The following LAPTM4B variants were observed in gnomAD, a reference collection of about 807,000 sequenced individuals.
LAPTM4B encodes lysosomal-associated transmembrane protein 4B.
LAPTM4B carries 26 observed loss-of-function variants against 28.5 expected under a neutral mutation model. The observed-to-expected ratio is 0.91, with a 90% CI of 0.67 to 1.27. The LOEUF (loss-of-function observed/expected upper bound fraction) is 1.27, where lower values mean the gene tolerates loss of function less well. LAPTM4B is among the 50% of genes most tolerant of loss of function. The pLI, the probability that LAPTM4B is intolerant of heterozygous loss-of-function variation, is 0.00. For synonymous variants in LAPTM4B, 109 were observed against 106.4 expected, an observed-to-expected ratio of 1.02 and a Z score of -0.15; for missense variants, 288 against 285.8, an observed-to-expected ratio of 1.01 and a Z score of -0.06.
intron 2 of LAPTM4B, among the ~76,000 whole-genome samples, chr8:97,813,402 T>G (rs574295744): frequency 6.6e-6 from 1 of 152,376 alleles, no homozygotes; most frequent in South Asian, 2.1e-4. Flanking sequence ...ACCTGCTTTA[T>G]TCTAGCCAGG....
At position 97,815,332 on chromosome 8, in the gene LAPTM4B, G is replaced by C. The variant is rs1024872877; in HGVS notation, c.216G>C (p.Met72Ile). The C allele has an allele frequency of 2.5e-6, 4 of 1,613,460 alleles. No individual in the cohort carries two copies. The African/African-American group carries it at 5.3e-5, about 22-fold the overall frequency. The change falls in exon 3 of 7, where the codon ATG becomes ATC. Residue 72 changes from methionine to isoleucine, a missense_variant. Physicochemically the swap from Met to Ile is conservative, Grantham distance 10. Coordinates refer to ENST00000521545, the MANE Select transcript of LAPTM4B (RefSeq NM_018407.6). The stretch of plus-strand genomic sequence containing the variant: ...TTCTTTTTAATCTTTCGGCAGACAT[G>C]TGCATTGCCATTGCGATTTCTCTTC... ...GDFEFMDDAN[M>I]CIAIAISLLM...
chr8:97,838,479 C>A (rs1236181278), intron 6 of LAPTM4B, among the ~76,000 whole-genome samples: 1 of 152,234 alleles, frequency 6.6e-6, no homozygotes, highest in Admixed American at 6.5e-5. Flanking sequence ...ACACAAGAGT[C>A]CTTCACGTAC....
At chr8:97,827,862 G>A (rs956610243) in intron 6 of LAPTM4B, among the ~76,000 whole-genome samples, 1 of 152,104 alleles carries the variant, frequency 6.6e-6, no homozygotes, top group African/African-American at 2.4e-5. Flanking sequence ...TGCGGGCAGG[G>A]GAAGGGGTCA....
At chr8:97,780,995 A>G (rs1349077253) in intron 1 of LAPTM4B, among the ~76,000 whole-genome samples, 6 of 145,966 alleles carry the variant, frequency 4.1e-5, no homozygotes, top group Non-Finnish European at 7.6e-5. Context: ...ATGTACTACA[A>G]TTTTTTTTTT....
chr8:97,830,203 G>A (rs925609156), intron 6 of LAPTM4B, among the ~76,000 whole-genome samples: 2 of 152,070 alleles, frequency 1.3e-5, no homozygotes, highest in Non-Finnish European at 2.9e-5. Context: ...GGAGAGAGTG[G>A]GTGGGTGAGG....
rs1188576503 is a variant in LAPTM4B, at chr8:97,777,144, T to TG, written c.99+1036_99+1037insG. On this transcript the variant is annotated intron_variant, in intron 1 of 6. Coordinates refer to ENST00000521545, the MANE Select transcript of LAPTM4B (RefSeq NM_018407.6). Reference sequence around the variant, plus strand: ...ATAACTTTTTTCAGTGAGGTTTTTTTTTTTTTTTTTTTTTTTTTTTGAGAC... The same window carrying TG: ...ATAACTTTTTTCAGTGAGGTTTTTTTGTTTTTTTTTTTTTTTTTTTTGAGAC... Among the ~76,000 whole-genome samples, 97 of 130,004 alleles carry TG rather than the reference T, an allele frequency of 7.5e-4. 1 individual carries two copies. Among genetic ancestry groups the TG allele is most frequent in the Middle Eastern group, 3.6e-3 (1 of 280 alleles). The allele number at this position is 130,004 out of a possible 152,430, so 85.3% of individuals were successfully genotyped here. A position where few individuals can be genotyped will look rare whatever the true frequency, so the allele number is the denominator to read the frequency against.
intron 1 of LAPTM4B, among the ~76,000 whole-genome samples, chr8:97,782,279 C>CTTTTTTTTTTT (rs34322160): frequency 2.0e-5 from 1 of 50,254 alleles, no homozygotes. Flanking sequence ...CCATGCCCAG[C>CTTTTTTTTTTT]TTTTTTTTTT....
intron 1 of LAPTM4B, among the ~76,000 whole-genome samples, chr8:97,799,843 C>G (rs1347353680): frequency 6.6e-6 from 1 of 152,136 alleles, no homozygotes; most frequent in Non-Finnish European, 1.5e-5. Flanking sequence ...ACCCCCTGAC[C>G]CTGGCGTTCC....
At chr8:97,826,294 C>G (rs895044969) in intron 6 of LAPTM4B, among the ~76,000 whole-genome samples, 6 of 152,196 alleles carry the variant, frequency 3.9e-5, no homozygotes, top group African/African-American at 1.2e-4. Flanking sequence ...ACCAGATGCA[C>G]AAAACCTGGC....
intron 2 of LAPTM4B, among the ~76,000 whole-genome samples, chr8:97,810,343 G>T (rs559540529): frequency 6.6e-6 from 1 of 152,176 alleles, no homozygotes; most frequent in African/African-American, 2.4e-5. Flanking sequence ...AAAAGAAAAA[G>T]GACATTGAAG....
At chr8:97,782,366 T>C (rs1345127448) in intron 1 of LAPTM4B, among the ~76,000 whole-genome samples, 2 of 116,840 alleles carry the variant, frequency 1.7e-5, no homozygotes, top group African/African-American at 7.4e-5. Flanking sequence ...TTGTCTTCCC[T>C]GGCTCAAGCA....
chr8:97,814,409 G>A (rs1586332596), intron 2 of LAPTM4B, among the ~76,000 whole-genome samples: 2 of 152,028 alleles, frequency 1.3e-5, no homozygotes, highest in African/African-American at 4.8e-5. Context: ...AGGGGGTGAG[G>A]TGGGAGACTT....
At chr8:97,786,314 A>G (rs1816398966) in intron 1 of LAPTM4B, among the ~76,000 whole-genome samples, 1 of 152,106 alleles carries the variant, frequency 6.6e-6, no homozygotes, top group Non-Finnish European at 1.5e-5. Flanking sequence ...GCAGCTTCCA[A>G]GGGAAATTGT....
At chr8:97,788,565 AAC>A (rs1443501346) in intron 1 of LAPTM4B, among the ~76,000 whole-genome samples, 1 of 152,092 alleles carries the variant, frequency 6.6e-6, no homozygotes, top group East Asian at 1.9e-4. Flanking sequence ...TGAATATTTT[AAC>A]ACCCAAAGTA....
intron 2 of LAPTM4B, among the ~76,000 whole-genome samples, chr8:97,811,624 T>A (rs535529421): frequency 4.6e-5 from 7 of 152,230 alleles, no homozygotes; most frequent in African/African-American, 1.7e-4. Context: ...CTCATCTTGC[T>A]CTGGCATTTG....
At position 97,819,206 on chromosome 8, in the gene LAPTM4B, C is replaced by A. The variant is rs201210090; in HGVS notation, c.475C>A (p.Leu159Ile). The change falls in exon 5 of 7, where the codon CTT becomes ATT. Residue 159 changes from leucine to isoleucine, a missense_variant. Coordinates refer to ENST00000521545, the MANE Select transcript of LAPTM4B (RefSeq NM_018407.6). ...TCCTACCTGTTTGGTCCTTATTATT[C>A]TTCTGTTTATTAGCATTATCTTGAC... Reference protein sequence around the residue: ...VNPTCLVLIILLFISIILTFK... With the variant: ...VNPTCLVLIIILFISIILTFK... The A allele has an allele frequency of 1.1e-4, 183 of 1,604,976 alleles. No individual in the cohort carries two copies. The East Asian group carries it at 3.3e-3, about 29-fold the overall frequency.
intron 1 of LAPTM4B, among the ~76,000 whole-genome samples, chr8:97,779,597 C>CAACAT (rs3073518): frequency 0.22 from 33,525 of 151,484 alleles, 4,189 homozygotes; most frequent in East Asian, 0.34. Flanking sequence ...CCAGCCTGGG[C>CAACAT]AACATGGCAA....
intron 5 of LAPTM4B, among the ~76,000 whole-genome samples, chr8:97,822,597 A>C (rs1416952816): frequency 5.3e-5 from 8 of 151,356 alleles, no homozygotes; most frequent in Non-Finnish European, 1.0e-4. Flanking sequence ...CATCATTACT[A>C]GTCATATGGT....
intron 6 of LAPTM4B, among the ~76,000 whole-genome samples, chr8:97,828,897 G>A (rs1817134477): frequency 6.6e-6 from 1 of 152,140 alleles, no homozygotes; most frequent in African/African-American, 2.4e-5. Context: ...TTGTCTTGTT[G>A]GAGTTATAAG....
Sources: allele counts gnomAD v4.1 joint callset (sites outside exome capture counted in the v4.1 genomes callset), GRCh38; gene constraint gnomAD v4.1.1; transcripts MANE v1.5; gene names NCBI Gene and HGNC (gene_info 2026-07-23, HGNC 2026-07-21).